The following LSM7 variants were observed in gnomAD, a reference collection of about 807,000 sequenced individuals.
The protein encoded by LSM7 is U6 snRNA-associated Sm-like protein LSm7.
A neutral mutation model predicts 14.1 loss-of-function variants in LSM7; 13 were observed. The ratio of observed to expected loss-of-function variants is 0.92; its 90% CI spans 0.60 to 1.47. The LOEUF (loss-of-function observed/expected upper bound fraction) is 1.47, where lower values mean the gene tolerates loss of function less well. Among genes scored for constraint, LSM7 ranks in the 40% most tolerant of loss-of-function variants. The probability of loss-of-function intolerance (pLI) is 0.00; values close to 1 mark genes in which losing one functional copy is unlikely to be tolerated. For missense variants in LSM7, 108 were observed against 140.8 expected, an observed-to-expected ratio of 0.77 and a Z score of 1.18; for synonymous variants, 70 against 57.1, an observed-to-expected ratio of 1.23 and a Z score of -1.02.
chr19:2,323,090 C>A (rs1329818257), intron 3 of LSM7, among the ~76,000 whole-genome samples: 2 of 152,134 alleles, frequency 1.3e-5, no homozygotes, highest in African/African-American at 4.8e-5. Context: ...TCCTGACATT[C>A]CCCCAGTGCC....
At chr19:2,326,467 C>A (rs534736058) in intron 2 of LSM7, among the ~76,000 whole-genome samples, 1 of 152,318 alleles carries the variant, frequency 6.6e-6, no homozygotes, top group South Asian at 2.1e-4. Context: ...TCCCAAGTAG[C>A]TGGGACTACA....
rs983125134 is a variant in LSM7 at position 2,327,537 on chromosome 19, G to A, written c.97+850C>T. On this transcript the variant is annotated intron_variant, in intron 2 of 3. Transcript: ENST00000252622. Reference sequence around the variant, plus strand: ...ATTAAAGGCATGAGCCACTGTGCCTGGCCTCCTTTTTCTCTTTTGAGACTG... The same window carrying A: ...ATTAAAGGCATGAGCCACTGTGCCTAGCCTCCTTTTTCTCTTTTGAGACTG... 2.6e-5 allele frequency among the ~76,000 whole-genome samples: 4 copies of A among 151,784 alleles called. No homozygotes were observed. In the East Asian group the frequency reaches 7.8e-4, roughly 30 times the overall value.
chr19:2,326,926 C>A (rs1481892344), intron 2 of LSM7, among the ~76,000 whole-genome samples: 3 of 152,242 alleles, frequency 2.0e-5, no homozygotes, highest in African/African-American at 7.2e-5. Flanking sequence ...CTAGCCAACA[C>A]TGGCCAGAAC....
intron 2 of LSM7, among the ~76,000 whole-genome samples, chr19:2,327,266 TTC>T (rs1204778356): frequency 6.6e-6 from 1 of 152,218 alleles, no homozygotes; most frequent in African/African-American, 2.4e-5. Context: ...ATATTCCTTT[TTC>T]TTTTTGTTTT....
At chr19:2,325,608 G>C (rs1446491751) in intron 2 of LSM7, among the ~76,000 whole-genome samples, 2 of 152,180 alleles carry the variant, frequency 1.3e-5, no homozygotes, top group Non-Finnish European at 2.9e-5. Flanking sequence ...AGGGCCGAGA[G>C]CCCGTCCACG....
chr19:2,328,238 C>G, intron 2 of LSM7, 149 bp downstream of exon 2: 1 of 702,058 alleles, frequency 1.4e-6, no homozygotes, highest in Non-Finnish European at 2.3e-6. Flanking sequence ...CCACTGCACT[C>G]CAGCCCGGGT....
Position 2,321,554 on chromosome 19 carries a change from T to C in LSM7, c.*126A>G. The C allele has an allele frequency of 9.2e-7, 1 of 1,082,810 alleles. No individual in the cohort carries two copies. Among genetic ancestry groups the C allele is most frequent in the Non-Finnish European group, 1.2e-6 (1 of 827,074 alleles). The allele number at this position is 1,082,810 out of a possible 1,614,324, so 67.1% of individuals were successfully genotyped here. A position where few individuals can be genotyped will look rare whatever the true frequency, so the allele number is the denominator to read the frequency against. ...TGCAATTTTATTAAGAAAACAAAAA[T>C]TCAACCTATACAAAAAGGAAAATGC... is the stretch of plus-strand genomic sequence containing the variant. On this transcript the variant is annotated 3_prime_UTR_variant, in exon 4 of 4. Coordinates refer to ENST00000252622, the MANE Select transcript of LSM7 (RefSeq NM_016199.3). This position sits in a 1 kb window ranked among gnomAD's most constrained non-coding sequence, Gnocchi z 5.0.
In LSM7 at chr19:2,321,667, GC is replaced by G; in HGVS notation, c.*12del. 3.4e-6 allele frequency: 5 copies of G among 1,491,382 alleles called. No homozygotes were observed. The highest frequency in any genetic ancestry group is 1.3e-5 in the South Asian group (1 of 75,832). 92.4% of individuals were successfully genotyped at this position (1,491,382 alleles called of 1,614,324 possible). A position where few individuals can be genotyped will look rare whatever the true frequency, so the allele number is the denominator to read the frequency against. ...CTCGGGCCTGCCCTGCACCCCCCGC[GC>G]CCCCGGCCAGGCTAGGCGTCCTGCT... is the stretch of plus-strand genomic sequence containing the variant. On this transcript the variant is annotated 3_prime_UTR_variant, in exon 4 of 4. Transcript: ENST00000252622. This position sits in a 1 kb window ranked among gnomAD's most constrained non-coding sequence, Gnocchi z 5.0.
chr19:2,321,727 C>G lies in LSM7; in HGVS notation c.265G>C (p.Gly89Arg), dbSNP rs777420402. The G allele has an allele frequency of 6.4e-7, 1 of 1,569,270 alleles. No homozygotes were observed. Among genetic ancestry groups the G allele is most frequent in the Admixed American group, 1.9e-5 (1 of 53,292 alleles). The change falls in exon 4 of 4, where the codon GGC (glycine) becomes CGC (arginine). Residue 89 changes from glycine to arginine, a missense_variant. Coordinates refer to ENST00000252622, the MANE Select transcript of LSM7 (RefSeq NM_016199.3). The surrounding 1 kb of genome is among the most constrained non-coding windows in gnomAD (Gnocchi z 5.0). ...AAGGGGTTGGGGATGGCCTCCATGC[C>G]GTCCTGCGGGCAGATTAGCACCACG... ...TSVVLICPQD[G>R]MEAIPNPFIQ...
Position 2,321,838 on chromosome 19 carries a change from T to C in LSM7, c.170-16A>G, listed in dbSNP as rs1211614376. On this transcript the variant is annotated splice_polypyrimidine_tract_variant and intron_variant, in intron 3 of 3. Coordinates refer to ENST00000252622, the MANE Select transcript of LSM7 (RefSeq NM_016199.3). The surrounding 1 kb of genome is among the most constrained non-coding windows in gnomAD (Gnocchi z 5.0). ...TCGTCAGGGTCTGGGGAGGAGCAGATAGAGAGGACTGAGGGACCTCCAGGA... is the reference window on the plus strand; with the variant it reads ...TCGTCAGGGTCTGGGGAGGAGCAGACAGAGAGGACTGAGGGACCTCCAGGA... 3 of 1,430,114 alleles carry C rather than the reference T, an allele frequency of 2.1e-6. No individual in the cohort carries two copies. The highest frequency in any genetic ancestry group is 2.8e-5 in the Admixed American group (1 of 35,460). 88.6% of individuals were successfully genotyped at this position (1,430,114 alleles called of 1,614,324 possible).
At chr19:2,327,309 G>C (rs1368989831) in intron 2 of LSM7, among the ~76,000 whole-genome samples, 1 of 152,194 alleles carries the variant, frequency 6.6e-6, no homozygotes, top group African/African-American at 2.4e-5. Context: ...CGCCAGGCTG[G>C]AGTGCGGTGG....
intron 2 of LSM7, 37 bp downstream of exon 2, chr19:2,328,350 T>G: frequency 6.3e-7 from 1 of 1,581,192 alleles, no homozygotes; most frequent in South Asian, 1.1e-5. Context: ...ATTTGAAATT[T>G]TTAAAGAGGG....
chr19:2,323,532 C>G (rs371892959), intron 3 of LSM7, among the ~76,000 whole-genome samples: 17 of 152,252 alleles, frequency 1.1e-4, no homozygotes, highest in East Asian at 9.7e-4. Context: ...CTCACTGCAA[C>G]CTCCGCCTCC....
chr19:2,326,004 T>A (rs1466556022), intron 2 of LSM7: 1 of 152,290 alleles, frequency 6.6e-6, no homozygotes, highest in Non-Finnish European at 1.5e-5. Context: ...CAGATGCAGA[T>A]GTTCAGGTCC....
Position 2,327,466 on chromosome 19 carries a change from C to T in LSM7, c.97+921G>A, listed in dbSNP as rs186587845. On this transcript the variant is annotated intron_variant, in intron 2 of 3. Transcript: ENST00000252622. The stretch of plus-strand genomic sequence containing the variant: ...CCACGTAGGCCAGGATGGTCTTGAT[C>T]TCCTGACCTCCTGATCTGCCTGCCT... 1.2e-4 allele frequency among the ~76,000 whole-genome samples: 18 copies of T among 152,238 alleles called. No individual in the cohort carries two copies. The East Asian group carries it at 3.1e-3, about 26-fold the overall frequency.
chr19:2,322,375 TA>T (rs374298287), intron 3 of LSM7, among the ~76,000 whole-genome samples: 92 of 151,882 alleles, frequency 6.1e-4, no homozygotes, highest in South Asian at 1.9e-3. Flanking sequence ...CCGTCTCTAC[TA>T]AAAAATACAA....
chr19:2,325,383 GT>G (rs1434554228), intron 2 of LSM7, among the ~76,000 whole-genome samples: 1 of 150,254 alleles, frequency 6.7e-6, no homozygotes, highest in Non-Finnish European at 1.5e-5. Flanking sequence ...ACTGAGGGGC[GT>G]CCCGCAGCCA....
chr19:2,322,503 T>C (rs1967949872), intron 3 of LSM7, among the ~76,000 whole-genome samples: 3 of 152,256 alleles, frequency 2.0e-5, no homozygotes, highest in South Asian at 2.1e-4. Context: ...ATCGCGCCAC[T>C]GCACTCCAGC....
intron 1 of LSM7, 41 bp from the exon 2 acceptor site, chr19:2,328,518 C>A: frequency 6.2e-7 from 1 of 1,609,514 alleles, no homozygotes; most frequent in Non-Finnish European, 8.5e-7. Context: ...GAGCGCGGCC[C>A]GAGCTCCACG....
Sources: allele counts gnomAD v4.1 joint callset (sites outside exome capture counted in the v4.1 genomes callset), GRCh38; gene constraint gnomAD v4.1.1; non-coding constraint Gnocchi (gnomAD v3.1); transcripts MANE v1.5; gene names NCBI Gene and HGNC (gene_info 2026-07-23, HGNC 2026-07-21).